KCNAB2: variants seen among roughly 807,000 people sequenced by gnomAD.
KCNAB2 encodes the protein voltage-gated potassium channel subunit beta-2.
In KCNAB2, 29 loss-of-function variants were observed where a neutral mutation model predicts 63.6. That is an observed-to-expected ratio of 0.46 (90% CI 0.34 to 0.62). KCNAB2 has a LOEUF of 0.62. Among genes scored for constraint, KCNAB2 ranks in the 20% least tolerant of loss-of-function variants. The pLI, the probability that KCNAB2 is intolerant of heterozygous loss-of-function variation, is 0.01. For missense variants in KCNAB2, 359 were observed against 563.9 expected (o/e 0.64, Z 3.68); for synonymous variants, 222 against 224.2 (o/e 0.99, Z 0.09).
At position 5,994,332 on chromosome 1, in the gene KCNAB2, G is replaced by A. The variant is rs1156576089; in HGVS notation, c.-53+1544G>A. On this transcript the variant is annotated intron_variant, in intron 1 of 16. Transcript: ENST00000341524. This position sits in a 1 kb window ranked among gnomAD's most constrained non-coding sequence, Gnocchi z 5.4. ...CCCACCTGATTCTCGCCTGGCGGCC[G>A]TGTCTGCTGCAGAGCCCTGTGCAGC... 2.6e-5 allele frequency among the ~76,000 whole-genome samples: 4 copies of A among 152,240 alleles called. No homozygotes were observed. The highest frequency in any genetic ancestry group is 5.9e-5 in the Non-Finnish European group (4 of 68,048).
At position 6,096,969 on chromosome 1, in the gene KCNAB2, G is replaced by A. The variant is rs1665696355; in HGVS notation, c.1069+213G>A. On this transcript the variant is annotated intron_variant, in intron 14 of 15. Transcript: ENST00000378083. The surrounding 1 kb of genome is among the most constrained non-coding windows in gnomAD (Gnocchi z 5.9). The stretch of plus-strand genomic sequence containing the variant: ...CTAGGGGGATGTCAGGAGTCCCTGA[G>A]GACCTGGGCCACCCCCTCCATCTGC... Among the ~76,000 whole-genome samples the A allele has an allele frequency of 1.3e-5, 2 of 152,158 alleles. No individual in the cohort carries two copies. The highest frequency in any genetic ancestry group is 4.1e-4 in the South Asian group (2 of 4,834).
chr1:6,079,400 G>A (rs1240986927), intron 4 of KCNAB2, among the ~76,000 whole-genome samples: 1 of 152,086 alleles, frequency 6.6e-6, no homozygotes, highest in Non-Finnish European at 1.5e-5. Context: ...TGCACCTGTA[G>A]TCCAGCTACT....
chr1:6,023,833 C>T (rs1481524156), intron 1 of KCNAB2, among the ~76,000 whole-genome samples: 1 of 152,062 alleles, frequency 6.6e-6, no homozygotes, highest in Non-Finnish European at 1.5e-5. Flanking sequence ...AGTCCAGTGG[C>T]ATGATCATAA....
chr1:6,058,793 C>A (rs372728778), intron 2 of KCNAB2, among the ~76,000 whole-genome samples: 3 of 152,222 alleles, frequency 2.0e-5, no homozygotes, highest in African/African-American at 7.2e-5. Flanking sequence ...AGCTGCCGGG[C>A]CAGACGCAGG....
chr1:6,084,539 G>T (rs914339493), intron 5 of KCNAB2, among the ~76,000 whole-genome samples: 5 of 152,184 alleles, frequency 3.3e-5, no homozygotes, highest in African/African-American at 1.2e-4. Context: ...TACTTGTCCC[G>T]GCGCGGTGGC....
chr1:6,038,014 A>G (rs1357814331), intron 1 of KCNAB2, among the ~76,000 whole-genome samples: 1 of 151,566 alleles, frequency 6.6e-6, no homozygotes, highest in Non-Finnish European at 1.5e-5. Context: ...AGCTGGGACT[A>G]CAGGCGCCCG....
rs1032033006 is a variant in KCNAB2 at position 6,086,144 on chromosome 1, G to A, written c.425+896G>A. ...CGGGGCCCTGTTCCTTAATAAATGCGTCTTTATTTTCAGAAACATCAGAAG... is the reference window on the plus strand; with the variant it reads ...CGGGGCCCTGTTCCTTAATAAATGCATCTTTATTTTCAGAAACATCAGAAG... On this transcript the variant is annotated intron_variant, in intron 6 of 15. Coordinates refer to ENST00000378083, the MANE Select transcript of KCNAB2 (RefSeq NM_001199862.2). This position sits in a 1 kb window ranked among gnomAD's most constrained non-coding sequence, Gnocchi z 4.2. 13 of 985,344 alleles carry A rather than the reference G, an allele frequency of 1.3e-5. No individual in the cohort carries two copies. In the East Asian group the frequency reaches 3.4e-4, roughly 26 times the overall value. 61.0% of individuals were successfully genotyped at this position (985,344 alleles called of 1,614,324 possible). A position where few individuals can be genotyped will look rare whatever the true frequency, so the allele number is the denominator to read the frequency against.
chr1:6,017,048 A>G (rs1658547204), intron 1 of KCNAB2, among the ~76,000 whole-genome samples: 1 of 152,250 alleles, frequency 6.6e-6, no homozygotes, highest in East Asian at 1.9e-4. Flanking sequence ...ATGCATGGAG[A>G]CAGTGCCGAG....
intron 2 of KCNAB2, among the ~76,000 whole-genome samples, chr1:6,054,310 G>A (rs951435597): frequency 1.3e-4 from 19 of 151,996 alleles, no homozygotes; most frequent in African/African-American, 4.4e-4. Context: ...TGGACAAAAC[G>A]CACATACAAA....
At chr1:6,023,908 G>A (rs1479044861) in intron 1 of KCNAB2, among the ~76,000 whole-genome samples, 2 of 151,538 alleles carry the variant, frequency 1.3e-5, no homozygotes, top group Non-Finnish European at 2.9e-5. Context: ...AAATAGCTGG[G>A]ACCACTGGCA....
At chr1:6,056,205 C>T (rs906855987) in intron 2 of KCNAB2, among the ~76,000 whole-genome samples, 7 of 151,882 alleles carry the variant, frequency 4.6e-5, no homozygotes, top group South Asian at 2.1e-4. Context: ...CCACCATGCC[C>T]GGCTATTTTT....
intron 6 of KCNAB2, 27 bp downstream of exon 6, chr1:6,085,275 T>A (rs1664600350): frequency 6.2e-7 from 1 of 1,609,942 alleles, no homozygotes; most frequent in Non-Finnish European, 8.5e-7. Context: ...CTGCGGCCTG[T>A]CCCTGGGGTG....
intron 4 of KCNAB2, among the ~76,000 whole-genome samples, chr1:6,079,304 G>A (rs1393959883): frequency 1.3e-5 from 2 of 152,112 alleles, no homozygotes; most frequent in African/African-American, 4.8e-5. Flanking sequence ...CAGATCACTT[G>A]AGGTCAGGAG....
At chr1:6,082,035 G>A (rs1664252416) in intron 4 of KCNAB2, among the ~76,000 whole-genome samples, 160 bp from the exon 5 acceptor site, 1 of 152,196 alleles carries the variant, frequency 6.6e-6, no homozygotes, top group East Asian at 1.9e-4. Context: ...TCCCTGTCCT[G>A]TGGCAGGAGA....
rs939159395 is a variant in KCNAB2 at position 6,098,628 on chromosome 1, G to A, written c.*54G>A. 170 of 1,586,678 alleles carry A rather than the reference G, an allele frequency of 1.1e-4. No individual in the cohort carries two copies. Among genetic ancestry groups the A allele is most frequent in the Admixed American group, 7.6e-4 (42 of 55,112 alleles). On this transcript the variant is annotated 3_prime_UTR_variant, in exon 16 of 16. Coordinates refer to ENST00000378083, the MANE Select transcript of KCNAB2 (RefSeq NM_001199862.2). Reference sequence around the variant, plus strand: ...TTCCGTTCCCTCCTAGTCTCTGTTCGCTCGCTTAAGCTGTTTTGAAGCCAA... The same window carrying A: ...TTCCGTTCCCTCCTAGTCTCTGTTCACTCGCTTAAGCTGTTTTGAAGCCAA...
At chr1:6,019,027 C>T (rs1658672506) in intron 1 of KCNAB2, among the ~76,000 whole-genome samples, 1 of 152,206 alleles carries the variant, frequency 6.6e-6, no homozygotes, top group African/African-American at 2.4e-5. Context: ...CACAGTGGTT[C>T]ACACCTGTAA....
chr1:6,090,308 C>A, intron 8 of KCNAB2, 81 bp from the exon 9 acceptor site: 1 of 990,726 alleles, frequency 1.0e-6, no homozygotes, highest in Non-Finnish European at 1.5e-6. Context: ...CTCTTGTTCC[C>A]TGAGCCGGGC....
At chr1:5,999,194 T>C (rs761397226) in intron 1 of KCNAB2, among the ~76,000 whole-genome samples, 34 of 152,230 alleles carry the variant, frequency 2.2e-4, no homozygotes, top group Non-Finnish European at 1.0e-4. Flanking sequence ...GGCTGCGTAG[T>C]GCTTTACGTT....
intron 9 of KCNAB2, among the ~76,000 whole-genome samples, chr1:6,090,755 C>T (rs1425314226): frequency 3.3e-5 from 5 of 152,194 alleles, no homozygotes; most frequent in African/African-American, 4.8e-5. Flanking sequence ...GAGTCAGAGC[C>T]GCAGTGGAAC....
Sources: allele counts gnomAD v4.1 joint callset (sites outside exome capture counted in the v4.1 genomes callset), GRCh38; gene constraint gnomAD v4.1.1; non-coding constraint Gnocchi (gnomAD v3.1); transcripts MANE v1.5; gene names NCBI Gene and HGNC (gene_info 2026-07-23, HGNC 2026-07-21).